Variants in SOX5 observed in about 807,000 individuals in gnomAD.
The protein encoded by SOX5 is SRY-box transcription factor 5.
SOX5 carries 9 observed loss-of-function variants against 92.0 expected under a neutral mutation model. The observed-to-expected ratio is 0.10, with a 90% CI of 0.06 to 0.17. The LOEUF is 0.17. Ranked by LOEUF, SOX5 falls within the 10% of genes least tolerant of loss-of-function variation. The probability of loss-of-function intolerance (pLI) is 1.00; values close to 1 mark genes in which losing one functional copy is unlikely to be tolerated. For missense variants in SOX5, 642 were observed against 944.5 expected (o/e 0.68, Z 4.20); for synonymous variants, 344 against 336.3 (o/e 1.02, Z -0.25).
intron 3 of SOX5, chr12:24,227,459 T>C (rs1962323094): frequency 6.6e-6 from 1 of 152,234 alleles, no homozygotes; most frequent in Non-Finnish European, 1.5e-5. Flanking sequence ...ATATCACTAA[T>C]GGTGAGAGGA....
intron 1 of SOX5, among the ~76,000 whole-genome samples, chr12:24,554,096 T>C (rs1953501853): frequency 6.6e-6 from 1 of 152,178 alleles, no homozygotes; most frequent in Non-Finnish European, 1.5e-5. Flanking sequence ...AGAATGCCAA[T>C]GGTGCACAGG....
chr12:23,861,038 T>C (rs1004251520), intron 2 of SOX5, among the ~76,000 whole-genome samples: 8 of 137,702 alleles, frequency 5.8e-5, no homozygotes, highest in Admixed American at 1.5e-4. Flanking sequence ...GAGAGAGAAG[T>C]AGGAAAATGA....
chr12:23,810,335 T>A (rs999210057), intron 3 of SOX5, among the ~76,000 whole-genome samples: 2 of 152,160 alleles, frequency 1.3e-5, no homozygotes, highest in Non-Finnish European at 2.9e-5. Flanking sequence ...GATCATTTCA[T>A]GTGTACAGCA....
intron 1 of SOX5, among the ~76,000 whole-genome samples, chr12:23,924,502 T>C (rs934014192): frequency 1.3e-5 from 2 of 152,180 alleles, no homozygotes; most frequent in Non-Finnish European, 2.9e-5. Flanking sequence ...TTTTCTTCCC[T>C]TTCTATCAGA....
chr12:23,666,148 C>T (rs765054410), intron 6 of SOX5, among the ~76,000 whole-genome samples: 13 of 151,218 alleles, frequency 8.6e-5, no homozygotes, highest in Admixed American at 8.6e-4. Context: ...GTAAGTAGTG[C>T]CAAAAGATAA....
At chr12:23,759,024 C>G (rs1054388249) in intron 3 of SOX5, among the ~76,000 whole-genome samples, 33 of 65,442 alleles carry the variant, frequency 5.0e-4, no homozygotes, top group African/African-American at 1.5e-3. Flanking sequence ...CACACACACA[C>G]ACACAGACAC....
intron 4 of SOX5, among the ~76,000 whole-genome samples, chr12:24,040,610 C>T (rs1024844261): frequency 6.6e-6 from 1 of 152,182 alleles, no homozygotes; most frequent in African/African-American, 2.4e-5. Flanking sequence ...CAGTGGCTCA[C>T]GCCTGTAATC....
chr12:23,807,666 A>C (rs2095803819), intron 3 of SOX5, among the ~76,000 whole-genome samples: 1 of 145,936 alleles, frequency 6.9e-6, no homozygotes, highest in Non-Finnish European at 1.5e-5. Flanking sequence ...TTTGAGACAG[A>C]GTTTTGCTGT....
chr12:24,559,601 A>T (rs954413910), intron 1 of SOX5, among the ~76,000 whole-genome samples: 23 of 152,284 alleles, frequency 1.5e-4, no homozygotes, highest in Middle Eastern at 3.4e-3. Context: ...TAAAAAAAAA[A>T]AAATTCTTTA....
intron 1 of SOX5, among the ~76,000 whole-genome samples, chr12:24,488,312 G>A (rs1253559185): frequency 6.6e-6 from 1 of 152,104 alleles, no homozygotes; most frequent in Non-Finnish European, 1.5e-5. Context: ...TACAAAGCAG[G>A]GTGTGGTAAC....
chr12:24,317,360 C>T (rs1949793730), intron 2 of SOX5, among the ~76,000 whole-genome samples: 2 of 152,134 alleles, frequency 1.3e-5, no homozygotes, highest in African/African-American at 2.4e-5. Flanking sequence ...TGACTAAGTA[C>T]ATTTGTCTAA....
At chr12:24,327,385 C>CTTTTTTTTTTT (rs71063311) in intron 2 of SOX5, among the ~76,000 whole-genome samples, 5 of 56,690 alleles carry the variant, frequency 8.8e-5, no homozygotes, top group East Asian at 6.7e-4. Flanking sequence ...GCAATGGAGA[C>CTTTTTTTTTTT]TTTTTTTTTT....
At chr12:24,346,904 G>A (rs1241125427) in intron 2 of SOX5, among the ~76,000 whole-genome samples, 2 of 152,094 alleles carry the variant, frequency 1.3e-5, no homozygotes, top group Admixed American at 1.3e-4. Flanking sequence ...GGGAGGGACA[G>A]CACTAGGAGA....
chr12:24,477,788 T>C (rs1945557700), intron 1 of SOX5, among the ~76,000 whole-genome samples: 1 of 152,046 alleles, frequency 6.6e-6, no homozygotes, highest in Non-Finnish European at 1.5e-5. Context: ...TTATTTTTCT[T>C]ATAATTTTTT....
At chr12:23,949,497 A>T in intron 1 of SOX5, 67 bp downstream of exon 1, 3 of 1,590,960 alleles carry the variant, frequency 1.9e-6, no homozygotes, top group Non-Finnish European at 2.6e-6. Flanking sequence ...TCTTCCAATG[A>T]TTCAGAGACT....
intron 4 of SOX5, among the ~76,000 whole-genome samples, chr12:24,071,962 T>A (rs960615824): frequency 3.9e-5 from 6 of 152,190 alleles, no homozygotes; most frequent in Admixed American, 1.3e-4. Context: ...TTTTCCTCAT[T>A]TTAAAGATGA....
chr12:24,124,184 C>T (rs1020608417), intron 4 of SOX5, among the ~76,000 whole-genome samples: 1 of 152,158 alleles, frequency 6.6e-6, no homozygotes, highest in African/African-American at 2.4e-5. Flanking sequence ...ACTTGTACTT[C>T]TCCTCCCACA....
chr12:23,841,192 G>T (rs549890810), intron 3 of SOX5, among the ~76,000 whole-genome samples: 1 of 151,944 alleles, frequency 6.6e-6, no homozygotes, highest in East Asian at 1.9e-4. Flanking sequence ...TTCATTAAAG[G>T]CATATAAGCA....
chr12:23,638,840 A>G (rs140084099), intron 8 of SOX5, among the ~76,000 whole-genome samples: 39 of 151,390 alleles, frequency 2.6e-4, no homozygotes, highest in African/African-American at 8.7e-4. Flanking sequence ...CTGATACGAC[A>G]TGCTTTGGGC....
Sources: gnomAD v4.1 joint callset for allele counts (sites outside exome capture counted in the v4.1 genomes callset) on GRCh38, gnomAD v4.1.1 for gene constraint, MANE v1.5 for transcripts, NCBI Gene and HGNC (gene_info 2026-07-23, HGNC 2026-07-21) for gene names.